The following ABCC8 variants were observed in gnomAD, a reference collection of about 807,000 sequenced individuals.
The protein encoded by ABCC8 is ATP-binding cassette sub-family C member 8.
ABCC8 carries 137 observed loss-of-function variants against 188.0 expected under a neutral mutation model. The ratio of observed to expected loss-of-function variants is 0.73; its 90% CI spans 0.63 to 0.84. The LOEUF (loss-of-function observed/expected upper bound fraction) is 0.84. Among genes scored for constraint, ABCC8 ranks in the 40% least tolerant of loss-of-function variants. The pLI is 0.00. For missense variants in ABCC8, 1,750 were observed against 2,072.7 expected, an observed-to-expected ratio of 0.84 and a Z score of 3.02; for synonymous variants, 797 against 846.5, an observed-to-expected ratio of 0.94 and a Z score of 1.01.
chr11:17,438,283 A>T (rs946772424), intron 10 of ABCC8, among the ~76,000 whole-genome samples: 11 of 151,914 alleles, frequency 7.2e-5, no homozygotes, highest in Non-Finnish European at 1.5e-4. Flanking sequence ...ATATTTGTTT[A>T]AAAAAAATGA....
intron 7 of ABCC8, 124 bp downstream of exon 7, chr11:17,452,995 G>A: frequency 3.1e-6 from 3 of 974,834 alleles, no homozygotes; most frequent in Non-Finnish European, 3.3e-6. Context: ...CATCGTTAAT[G>A]GGCAACAAAA....
chr11:17,403,389 CCA>C (rs1345409429), intron 28 of ABCC8, among the ~76,000 whole-genome samples: 2 of 152,130 alleles, frequency 1.3e-5, no homozygotes, highest in Non-Finnish European at 2.9e-5. Flanking sequence ...AGACTGGGTG[CCA>C]CAGAGACTGG....
At chr11:17,432,564 G>A (rs1040249860) in intron 10 of ABCC8, among the ~76,000 whole-genome samples, 2 of 152,230 alleles carry the variant, frequency 1.3e-5, no homozygotes, top group Non-Finnish European at 2.9e-5. Flanking sequence ...GGCCAACTGT[G>A]AGGTCAGGAG....
chr11:17,460,534 C>G lies in ABCC8; in HGVS notation c.965G>C (p.Gly322Ala), dbSNP rs1957148815. Residue 322 changes from glycine to alanine, a missense_variant, in exon 6 of 39, where the codon GGG (glycine) becomes GCG (alanine). Physicochemically the swap from Gly to Ala is moderately conservative, Grantham distance 60. Transcript: ENST00000389817. The stretch of plus-strand genomic sequence containing the variant: ...CTCCTTCCCAAGGTGGTCCACGATC[C>G]CAAAGATGCACAGTGGCCCGGCGAA... Reference protein sequence around the residue: ...LGFAGPLCIFGIVDHLGKEND... With the variant: ...LGFAGPLCIFAIVDHLGKEND... 3 of 1,614,122 alleles carry G rather than the reference C, an allele frequency of 1.9e-6. No individual in the cohort carries two copies. The highest frequency in any genetic ancestry group is 2.5e-6 in the Non-Finnish European group (3 of 1,180,042).
In ABCC8 at chr11:17,396,948, G is replaced by T; in HGVS notation, c.4087C>A (p.His1363Asn). ...YDSSLKPVLK[H>N]VNALIAPGQK... The stretch of plus-strand genomic sequence containing the variant: ...CCAGGGGCGATGAGGGCATTGACGT[G>T]CTTCAGCACCGGCTTCAGGGAGCTG... The change falls in exon 33 of 39, where the codon CAC (histidine) becomes AAC (asparagine). Residue 1363 changes from histidine to asparagine, a missense_variant. Transcript: ENST00000389817. 1.2e-6 allele frequency: 2 copies of T among 1,614,206 alleles called. No homozygotes were observed. Among genetic ancestry groups the T allele is most frequent in the South Asian group, 2.2e-5 (2 of 91,090 alleles).
rs754340214 is a variant in ABCC8, at chr11:17,427,137, C to T, written c.2134G>A (p.Val712Met). ...GACTTGCCGCAGCCCACCTGCCCCA[C>T]GATCATAGTCAGCTGGCCTGCAGGG... ...RIPRGQLTMI[V>M]GQVGCGKSSL... Residue 712 changes from valine (V) to methionine (M), a missense_variant, in exon 16 of 39, where the codon GTG becomes ATG. Val to Met is a conservative substitution (Grantham distance 21). Transcript: ENST00000389817. This position sits in a 1 kb window ranked among gnomAD's most constrained non-coding sequence, Gnocchi z 5.0. The T allele has an allele frequency of 5.0e-6, 8 of 1,613,084 alleles. No homozygotes were observed. The highest frequency in any genetic ancestry group is 2.2e-5 in the South Asian group (2 of 90,972).
rs570465167 is a variant in ABCC8, at chr11:17,445,661, C to T, written c.1333-2349G>A. On this transcript the variant is annotated intron_variant, in intron 8 of 38. Transcript: ENST00000389817. ...CCATGGGGCTGGGATTGTATTAACT[C>T]CCAGGAGTAACACTGGTTCTTGAGT... Among the ~76,000 whole-genome samples, 256 of 152,310 alleles carry T rather than the reference C, an allele frequency of 1.7e-3. 1 individual carries two copies. The highest frequency in any genetic ancestry group is 5.0e-3 in the African/African-American group (209 of 41,552).
chr11:17,393,035 G>C lies in ABCC8; in HGVS notation c.4702C>G (p.Arg1568Gly), dbSNP rs1268576245. 6.2e-7 allele frequency: 1 copy of C among 1,614,156 alleles called. No individual in the cohort carries two copies. Among genetic ancestry groups the C allele is most frequent in the Non-Finnish European group, 8.5e-7 (1 of 1,180,054 alleles). ...EFDKPEKLLSRKDSVFASFVR... is the reference protein window; with the variant it reads ...EFDKPEKLLSGKDSVFASFVR... ...AAGGAGGCGAAGACGCTGTCCTTCC[G>C]GCTGAGCAGCTTCTCTGGCTTATCG... Residue 1568 changes from arginine (R) to glycine (G), a missense_variant, in exon 39 of 39, where the codon CGG (arginine) becomes GGG (glycine). Arg to Gly is a moderately radical substitution (Grantham distance 125). Transcript: ENST00000389817.
chr11:17,412,854 C>T, intron 20 of ABCC8, 108 bp from the exon 21 acceptor site: 2 of 1,541,208 alleles, frequency 1.3e-6, no homozygotes, highest in South Asian at 1.2e-5. Flanking sequence ...GCTCTATCCA[C>T]TTCTTTGCCT....
Position 17,476,687 on chromosome 11 carries a change from C to G in ABCC8, c.90G>C (p.Ala30=), listed in dbSNP as rs377209579. The G allele has an allele frequency of 6.2e-7, 1 of 1,611,762 alleles. No homozygotes were observed. Among genetic ancestry groups the G allele is most frequent in the Non-Finnish European group, 8.5e-7 (1 of 1,179,236 alleles). ...GVLNNGCFVD[A]LNVVPHVFLL... ...GGAAGACGTGCGGCACCACGTTGAGCGCGTCCACAAAGCAGCCGTTGTTGA... is the reference window on the plus strand; with the variant it reads ...GGAAGACGTGCGGCACCACGTTGAGGGCGTCCACAAAGCAGCCGTTGTTGA... The change falls in exon 1 of 39, where the codon GCG becomes GCC. Residue 30 remains alanine (A), a synonymous_variant. Coordinates refer to ENST00000389817, the MANE Select transcript of ABCC8 (RefSeq NM_000352.6).
At chr11:17,432,450 C>G in intron 10 of ABCC8, 2 of 1,096,446 alleles carry the variant, frequency 1.8e-6, no homozygotes, top group East Asian at 5.3e-5. Context: ...GGTACCCCGG[C>G]CCCCGACTCT....
chr11:17,442,429 G>A (rs1410962224), intron 10 of ABCC8, among the ~76,000 whole-genome samples: 1 of 152,206 alleles, frequency 6.6e-6, no homozygotes, highest in Non-Finnish European at 1.5e-5. Flanking sequence ...TAACATATCA[G>A]TTCCATGAGG....
rs1554933168 is a variant in ABCC8 at position 17,442,842 on chromosome 11, A to G, written c.1508T>C (p.Leu503Pro). 1.2e-6 allele frequency: 2 copies of G among 1,613,744 alleles called. No individual in the cohort carries two copies. Among genetic ancestry groups the G allele is most frequent in the Non-Finnish European group, 1.7e-6 (2 of 1,180,004 alleles). ...CAGCTTCAGCAGCTTGATGCCGCGGAGCATCTCGTTGGTCTGCTTCAGCCG... is the reference window on the plus strand; with the variant it reads ...CAGCTTCAGCAGCTTGATGCCGCGGGGCATCTCGTTGGTCTGCTTCAGCCG... Reference protein sequence around the residue: ...NERLKQTNEMLRGIKLLKLYA... With the variant: ...NERLKQTNEMPRGIKLLKLYA... Residue 503 changes from leucine (L) to proline (P), a missense_variant, in exon 10 of 39, where the codon CTC (leucine) becomes CCC (proline). By Grantham distance (98) the Leu-to-Pro change is moderately conservative. Coordinates refer to ENST00000389817, the MANE Select transcript of ABCC8 (RefSeq NM_000352.6).
rs370175955 is a variant in ABCC8, at chr11:17,393,045, C to A, written c.4692G>T (p.Lys1564Asn). ...AGACGCTGTCCTTCCGGCTGAGCAGCTTCTCTGGCTTATCGAACTCAAGGA... is the reference window on the plus strand; with the variant it reads ...AGACGCTGTCCTTCCGGCTGAGCAGATTCTCTGGCTTATCGAACTCAAGGA... ...GAILEFDKPE[K>N]LLSRKDSVFA... is the part of the protein sequence containing the mutation. The change falls in exon 39 of 39, where the codon AAG becomes AAT. Residue 1564 changes from lysine (K) to asparagine (N), a missense_variant. Physicochemically the swap from Lys to Asn is moderately conservative, Grantham distance 94 (BLOSUM62 0). Transcript: ENST00000389817. 6.2e-7 allele frequency: 1 copy of A among 1,614,192 alleles called. No individual in the cohort carries two copies. Among genetic ancestry groups the A allele is most frequent in the East Asian group, 2.2e-5 (1 of 44,882 alleles).
In ABCC8 at chr11:17,453,108, C is replaced by T. The variant is rs776625866; in HGVS notation, c.1176+11G>A. 1 of 1,606,048 alleles carries T rather than the reference C, an allele frequency of 6.2e-7. No individual in the cohort carries two copies. Among genetic ancestry groups the T allele is most frequent in the African/African-American group, 1.3e-5 (1 of 74,694 alleles). On this transcript the variant is annotated intron_variant, in intron 7 of 38. Transcript: ENST00000389817. The stretch of plus-strand genomic sequence containing the variant: ...TCTTATGGCAAAGTGAAAAAATAAT[C>T]ATCCAAGTACCTGTATTGCTCCTCT...
intron 29 of ABCC8, among the ~76,000 whole-genome samples, chr11:17,400,655 A>G (rs1322726996): frequency 6.6e-6 from 1 of 152,164 alleles, no homozygotes; most frequent in Non-Finnish European, 1.5e-5. Context: ...TTTGGGAAAA[A>G]ATAAGATCTC....
At chr11:17,400,760 T>C (rs1470062279) in intron 29 of ABCC8, among the ~76,000 whole-genome samples, 1 of 152,238 alleles carries the variant, frequency 6.6e-6, no homozygotes, top group African/African-American at 2.4e-5. Flanking sequence ...CCAGCCTCTC[T>C]GGGTCTCGCT....
intron 8 of ABCC8, among the ~76,000 whole-genome samples, chr11:17,446,018 C>T (rs1453296910): frequency 2.7e-5 from 4 of 147,400 alleles, no homozygotes; most frequent in South Asian, 4.3e-4. Context: ...CAGGCTGGAA[C>T]GCAGTGACAC....
At position 17,407,050 on chromosome 11, in the gene ABCC8, G is replaced by A. The variant is rs192863214; in HGVS notation, c.3000C>T (p.Cys1000=). The part of the protein sequence containing the change: ...HQRAEIPWRA[C]AKYLSSAGIL... ...TGCCGGCGGAGGACAGGTACTTGGC[G>A]CAGGCTCGCCATGGGATCTCAGCAC... The change falls in exon 25 of 39, where the codon TGC becomes TGT. Residue 1000 remains cysteine, a synonymous_variant. Transcript: ENST00000389817. 2.6e-4 allele frequency: 420 copies of A among 1,614,140 alleles called. 7 individuals are homozygous for A. In the Admixed American group the frequency reaches 6.5e-3, roughly 25 times the overall value.
Sources: allele counts gnomAD v4.1 joint callset (sites outside exome capture counted in the v4.1 genomes callset), GRCh38; gene constraint gnomAD v4.1.1; non-coding constraint Gnocchi (gnomAD v3.1); transcripts MANE v1.5; gene names NCBI Gene and HGNC (gene_info 2026-07-23, HGNC 2026-07-21).